Variants in ANKMY1 observed in about 807,000 individuals in gnomAD.
ANKMY1 encodes ankyrin repeat and MYND domain-containing protein 1.
In ANKMY1, 98 loss-of-function variants were observed where a neutral mutation model predicts 102.0. The ratio of observed to expected loss-of-function variants is 0.96; its 90% CI spans 0.82 to 1.14. The LOEUF (loss-of-function observed/expected upper bound fraction) is 1.14. Among genes scored for constraint, ANKMY1 ranks in the 50% most tolerant of loss-of-function variants. ANKMY1 has a pLI of 0.00. For synonymous variants in ANKMY1, 582 were observed against 559.9 expected (o/e 1.04, Z -0.56); for missense variants, 1,330 against 1,347.6 (o/e 0.99, Z 0.20).
At chr2:240,543,490 CTATA>C (rs996341765) in intron 4 of ANKMY1, among the ~76,000 whole-genome samples, 1 of 152,000 alleles carries the variant, frequency 6.6e-6, no homozygotes, top group African/African-American at 2.4e-5. Flanking sequence ...GGTTATAAAA[CTATA>C]TACCCAGCCA....
Position 240,500,097 on chromosome 2 carries a change from G to A in ANKMY1, c.2667C>T (p.Phe889=), listed in dbSNP as rs2077922352. Residue 889 remains phenylalanine (F), a synonymous_variant, in exon 15 of 18, where the codon TTC becomes TTT. Coordinates refer to ENST00000401804, the MANE Select transcript of ANKMY1 (RefSeq NM_001282771.3). ...CGCGCTCTGCTGGCATCAGCGTGTG[G>A]AAGGGGCAGCGGGCAATCCTCCGGT... is the stretch of plus-strand genomic sequence containing the variant. ...FQDRRIARCP[F]HTLMPAERET... is the part of the protein sequence containing the mutation. 6.2e-7 allele frequency: 1 copy of A among 1,608,776 alleles called. No individual in the cohort carries two copies. Among genetic ancestry groups the A allele is most frequent in the Non-Finnish European group, 8.5e-7 (1 of 1,177,914 alleles).
chr2:240,547,920 A>C (rs541094626), intron 4 of ANKMY1, among the ~76,000 whole-genome samples: 78 of 152,330 alleles, frequency 5.1e-4, no homozygotes, highest in African/African-American at 1.9e-3. Context: ...TCACAGCCGA[A>C]TTCTACCAGA....
chr2:240,550,160 T>C (rs966969780), intron 4 of ANKMY1, among the ~76,000 whole-genome samples: 1 of 151,918 alleles, frequency 6.6e-6, no homozygotes, highest in Non-Finnish European at 1.5e-5. Context: ...ATGTGGCATA[T>C]ATACACCATG....
chr2:240,537,782 CACA>C (rs1330151987), intron 4 of ANKMY1, among the ~76,000 whole-genome samples: 7 of 152,234 alleles, frequency 4.6e-5, no homozygotes, highest in African/African-American at 9.7e-5. Context: ...CGCTGTAAAC[CACA>C]ACAAGTGGAG....
At chr2:240,536,114 G>A (rs996966970) in intron 4 of ANKMY1, among the ~76,000 whole-genome samples, 9 of 152,060 alleles carry the variant, frequency 5.9e-5, no homozygotes, top group East Asian at 1.9e-4. Context: ...ACCATGGGTC[G>A]AGAGGAAATC....
chr2:240,518,473 A>G (rs1429756176), intron 9 of ANKMY1, among the ~76,000 whole-genome samples: 1 of 152,160 alleles, frequency 6.6e-6, no homozygotes, highest in Non-Finnish European at 1.5e-5. Context: ...AGGGTTTGAG[A>G]ACAATCTCCT....
rs2084610735 is a variant in ANKMY1, at chr2:240,529,079, G to T, written c.911C>A (p.Thr304Asn). 1.2e-6 allele frequency: 2 copies of T among 1,614,064 alleles called. No homozygotes were observed. The highest frequency in any genetic ancestry group is 1.7e-5 in the Admixed American group (1 of 60,006). ...DGEPWFIINE[T>N]PLLVKIQKQT... The stretch of plus-strand genomic sequence containing the variant: ...CTTCTGGATTTTGACCAACAAAGGG[G>T]TCTCATTGATTATGAACCATGGTTC... The change falls in exon 5 of 18, where the codon ACC (threonine) becomes AAC (asparagine). Residue 304 changes from threonine (T) to asparagine (N), a missense_variant. Physicochemically the swap from Thr to Asn is moderately conservative, Grantham distance 65. Transcript: ENST00000401804. This position sits in a 1 kb window ranked among gnomAD's most constrained non-coding sequence, Gnocchi z 4.2.
chr2:240,556,879 A>T (rs1327558010), intron 2 of ANKMY1, among the ~76,000 whole-genome samples: 2 of 152,204 alleles, frequency 1.3e-5, no homozygotes, highest in Non-Finnish European at 2.9e-5. Context: ...TGTGAACAAC[A>T]GAGCTGTGAA....
intron 2 of ANKMY1, chr2:240,555,377 C>A: frequency 2.9e-6 from 1 of 341,316 alleles, no homozygotes; most frequent in Non-Finnish European, 5.5e-6. Flanking sequence ...GGCCCTCTGT[C>A]CCACTCCAGC....
chr2:240,557,831 C>T, intron 1 of ANKMY1, 50 bp downstream of exon 1: 1 of 975,996 alleles, frequency 1.0e-6, no homozygotes, highest in Non-Finnish European at 1.2e-6. Context: ...CCACGGAGCT[C>T]CGGGATCCCC....
chr2:240,519,438 T>C (rs141854150), intron 9 of ANKMY1, among the ~76,000 whole-genome samples: 1 of 152,348 alleles, frequency 6.6e-6, no homozygotes, highest in African/African-American at 2.4e-5. Flanking sequence ...GCTGTCATAC[T>C]TCCATCTCGC....
At chr2:240,558,322 ACTTGCTCAAGC>A (rs2092640565), upstream of ANKMY1, 1 of 152,232 alleles carries the variant, frequency 6.6e-6, no homozygotes, top group Admixed American at 6.5e-5. Context: ...TGGAGCCACG[ACTTGCTCAAGC>A]CCTGCCTGAT....
At chr2:240,503,385 C>T (rs913731301) in intron 13 of ANKMY1, among the ~76,000 whole-genome samples, 1 of 152,218 alleles carries the variant, frequency 6.6e-6, no homozygotes, top group Non-Finnish European at 1.5e-5. Context: ...CTCCTTTCTG[C>T]AGTGGCTTTT....
At chr2:240,495,984 C>A (rs932954891) in intron 15 of ANKMY1, among the ~76,000 whole-genome samples, 8 of 152,208 alleles carry the variant, frequency 5.3e-5, no homozygotes, top group Non-Finnish European at 1.2e-4. Context: ...GTGTGACTGT[C>A]TGTACACTGC....
At chr2:240,474,262 ATTT>A in the ANKMY1 span, among the ~76,000 whole-genome samples, 18,551 of 90,698 alleles carry the variant, frequency 0.2, 1,689 homozygotes, top group Non-Finnish European at 0.23. Context: ...TGCCTGGCTA[ATTT>A]TTTTTTTTTT....
intron 4 of ANKMY1, among the ~76,000 whole-genome samples, chr2:240,538,121 G>A (rs181873814): frequency 8.8e-4 from 134 of 152,300 alleles, no homozygotes; most frequent in Admixed American, 2.0e-3. Flanking sequence ...AGGTGACAAC[G>A]TGCTAGCAGC....
chr2:240,560,954 GGCCGC>G (rs765645674), upstream of ANKMY1: 8 of 1,523,926 alleles, frequency 5.2e-6, no homozygotes, highest in Non-Finnish European at 7.0e-6. Context: ...CCGCCATGGA[GGCCGC>G]GGTGCGCGCC....
Position 240,553,040 on chromosome 2 carries a change from A to G in ANKMY1, c.354T>C (p.Phe118=), listed in dbSNP as rs1255237810. The G allele has an allele frequency of 1.2e-6, 2 of 1,613,816 alleles. No homozygotes were observed. The highest frequency in any genetic ancestry group is 1.3e-5 in the African/African-American group (1 of 74,870). ...WPTGESYHGQ[F]YRDHCHGLGT... ...CCAGGCCATGGCAGTGGTCCCGGTA[A>G]AACTGCCCATGGTATGACTGTGAGA... is the stretch of plus-strand genomic sequence containing the variant. Residue 118 remains phenylalanine (F), a synonymous_variant, in exon 4 of 18, where the codon TTT becomes TTC. Coordinates refer to ENST00000401804, the MANE Select transcript of ANKMY1 (RefSeq NM_001282771.3).
intron 9 of ANKMY1, among the ~76,000 whole-genome samples, chr2:240,516,892 T>C (rs2081310663): frequency 6.6e-6 from 1 of 152,254 alleles, no homozygotes; most frequent in Non-Finnish European, 1.5e-5. Flanking sequence ...AAATAATTGT[T>C]AATGGCTTCT....
Sources: gnomAD v4.1 joint callset for allele counts (sites outside exome capture counted in the v4.1 genomes callset) on GRCh38, gnomAD v4.1.1 for gene constraint, Gnocchi (gnomAD v3.1) non-coding constraint, MANE v1.5 for transcripts, NCBI Gene and HGNC (gene_info 2026-07-23, HGNC 2026-07-21) for gene names.